Variants in EDEM2 observed in about 807,000 individuals in gnomAD.
EDEM2 encodes the protein ER degradation enhancing alpha-mannosidase like protein 2.
EDEM2 carries 39 observed loss-of-function variants against 64.8 expected under a neutral mutation model. The observed-to-expected ratio is 0.60, with a 90% confidence interval of 0.47 to 0.79. The LOEUF is 0.79. Among genes scored for constraint, EDEM2 ranks in the 30% least tolerant of loss-of-function variants. The probability of loss-of-function intolerance (pLI) is 0.00; values close to 1 mark genes in which losing one functional copy is unlikely to be tolerated. For missense variants in EDEM2, 609 were observed against 731.3 expected, an observed-to-expected ratio of 0.83 and a Z score of 1.93; for synonymous variants, 296 against 291.5, an observed-to-expected ratio of 1.02 and a Z score of -0.16.
At chr20:35,116,689 A>G (rs777392827) in intron 10 of EDEM2, among the ~76,000 whole-genome samples, 2 of 152,204 alleles carry the variant, frequency 1.3e-5, no homozygotes, top group Non-Finnish European at 2.9e-5. Flanking sequence ...CTATAAACAT[A>G]GAGCTAATCG....
chr20:35,146,893 G>A lies in EDEM2; in HGVS notation c.150C>T (p.Tyr50=), dbSNP rs775962972. The change falls in exon 2 of 11, where the codon TAC becomes TAT. Residue 50 remains tyrosine (Y), a synonymous_variant. Transcript: ENST00000374492. ...KAMFYHAYDS[Y]LENAFPFDEL... is the part of the protein sequence containing the mutation. ...CATCGAAGGGAAAGGCATTCTCCAG[G>A]TAGCTGTCGTAGGCGTGGTAGAACA... is the stretch of plus-strand genomic sequence containing the variant. The A allele has an allele frequency of 1.9e-6, 3 of 1,614,164 alleles. No homozygotes were observed. The East Asian group carries it at 6.7e-5, about 36-fold the overall frequency.
intron 9 of EDEM2, among the ~76,000 whole-genome samples, chr20:35,120,429 C>G (rs1482787667): frequency 4.6e-5 from 7 of 152,136 alleles, no homozygotes; most frequent in African/African-American, 1.2e-4. Context: ...TCCTCCTCCC[C>G]TCTCCTCACA....
chr20:35,123,629 T>C (rs1311068111), intron 9 of EDEM2, among the ~76,000 whole-genome samples: 3 of 152,104 alleles, frequency 2.0e-5, no homozygotes, highest in Non-Finnish European at 4.4e-5. Context: ...GCAATTTAGT[T>C]AGGAGCCCTG....
chr20:35,135,261 G>A (rs892416939), intron 5 of EDEM2, among the ~76,000 whole-genome samples: 2 of 152,100 alleles, frequency 1.3e-5, no homozygotes, highest in East Asian at 1.9e-4. Flanking sequence ...TTTACACTAC[G>A]CCTTCAAAGC....
intron 5 of EDEM2, among the ~76,000 whole-genome samples, chr20:35,135,604 T>C (rs538934490): frequency 1.8e-3 from 276 of 152,222 alleles, no homozygotes; most frequent in Non-Finnish European, 3.3e-3. Context: ...TGAGCTGAGA[T>C]TGCACCACTG....
intron 3 of EDEM2, 137 bp from the exon 4 acceptor site, chr20:35,142,615 C>T: frequency 1.6e-6 from 1 of 635,012 alleles, no homozygotes; most frequent in Non-Finnish European, 2.7e-6. Flanking sequence ...TTGGTGACAG[C>T]AGAAGAAAAC....
intron 10 of EDEM2, among the ~76,000 whole-genome samples, chr20:35,118,140 A>G (rs1257652277): frequency 6.6e-6 from 1 of 152,216 alleles, no homozygotes; most frequent in African/African-American, 2.4e-5. Context: ...TGGGCCTAGC[A>G]GAGTGCCTGG....
chr20:35,123,372 C>T (rs1227791083), intron 9 of EDEM2, among the ~76,000 whole-genome samples: 3 of 152,140 alleles, frequency 2.0e-5, no homozygotes, highest in Admixed American at 2.0e-4. Flanking sequence ...GTGGGCGGAT[C>T]ACCTGAGGCT....
At chr20:35,137,552 T>A (rs2085594086) in intron 5 of EDEM2, among the ~76,000 whole-genome samples, 2 of 152,104 alleles carry the variant, frequency 1.3e-5, no homozygotes. Flanking sequence ...ACTCCAGCAG[T>A]GTGTGGAATA....
chr20:35,142,502 C>A, intron 3 of EDEM2, 24 bp from the exon 4 acceptor site: 1 of 1,565,828 alleles, frequency 6.4e-7, no homozygotes, highest in East Asian at 2.2e-5. Flanking sequence ...AGAGACCTGA[C>A]AATGAGGCTC....
At chr20:35,135,652 A>AAATAAT (rs58483257) in intron 5 of EDEM2, among the ~76,000 whole-genome samples, 20,567 of 151,826 alleles carry the variant, frequency 0.14, 1,701 homozygotes, top group African/African-American at 0.24. Flanking sequence ...CCCTGTCTCA[A>AAATAAT]AATAATAATA....
intron 9 of EDEM2, among the ~76,000 whole-genome samples, chr20:35,120,948 C>T (rs944253469): frequency 4.6e-5 from 7 of 152,170 alleles, no homozygotes; most frequent in African/African-American, 7.2e-5. Context: ...CCAGCCATCA[C>T]GCTTCTCTCC....
intron 7 of EDEM2, among the ~76,000 whole-genome samples, chr20:35,127,263 C>T (rs1258314306): frequency 6.6e-6 from 1 of 152,110 alleles, no homozygotes; most frequent in Non-Finnish European, 1.5e-5. Flanking sequence ...GTCTTGAGTA[C>T]GTCTTTATCA....
chr20:35,128,665 T>C (rs1293638423), intron 7 of EDEM2, among the ~76,000 whole-genome samples: 1 of 150,386 alleles, frequency 6.6e-6, no homozygotes, highest in African/African-American at 2.5e-5. Context: ...TCTGTGAGTG[T>C]TACTGCCCCC....
chr20:35,144,904 C>T, intron 3 of EDEM2, 75 bp downstream of exon 3: 17 of 1,524,786 alleles, frequency 1.1e-5, no homozygotes, highest in Non-Finnish European at 1.5e-5. Context: ...TTTTCACCCA[C>T]AGTCACGCTG....
chr20:35,139,349 CAAA>C (rs57683623), intron 4 of EDEM2, among the ~76,000 whole-genome samples: 5 of 89,364 alleles, frequency 5.6e-5, no homozygotes, highest in South Asian at 3.5e-4. Flanking sequence ...GACTCCGTCT[CAAA>C]AAAAAAAAAA....
At chr20:35,139,654 A>C (rs2085626009) in intron 4 of EDEM2, among the ~76,000 whole-genome samples, 1 of 151,058 alleles carries the variant, frequency 6.6e-6, no homozygotes, top group Non-Finnish European at 1.5e-5. Context: ...CATCTCAGAA[A>C]AAAAAAAAAA....
intron 6 of EDEM2, among the ~76,000 whole-genome samples, chr20:35,133,927 C>T (rs1013093127): frequency 1.6e-4 from 25 of 152,196 alleles, no homozygotes; most frequent in South Asian, 2.1e-4. Flanking sequence ...ATTAACGTTA[C>T]TGCTGAAGTA....
chr20:35,131,570 A>G (rs534482584), intron 7 of EDEM2, 72 bp downstream of exon 7: 1 of 1,573,198 alleles, frequency 6.4e-7, no homozygotes, highest in East Asian at 2.3e-5. Context: ...TGTCTCAAAA[A>G]AAAGTTTTTA....
Sources: gnomAD v4.1 joint callset for allele counts (sites outside exome capture counted in the v4.1 genomes callset) on GRCh38, gnomAD v4.1.1 for gene constraint, MANE v1.5 for transcripts, NCBI Gene and HGNC (gene_info 2026-07-23, HGNC 2026-07-21) for gene names.